KSR1: variants seen among roughly 807,000 people sequenced by gnomAD.
The protein encoded by KSR1 is kinase suppressor of ras.
In KSR1, 35 loss-of-function variants were observed where a neutral mutation model predicts 92.9. The ratio of observed to expected loss-of-function variants is 0.38; its 90% confidence interval spans 0.29 to 0.50. The LOEUF (loss-of-function observed/expected upper bound fraction) is 0.50, where lower values mean the gene tolerates loss of function less well. Among genes scored for constraint, KSR1 ranks in the 20% least tolerant of loss-of-function variants. The pLI is 0.94. For synonymous variants in KSR1, 467 were observed against 472.6 expected, an observed-to-expected ratio of 0.99 and a Z score of 0.15; for missense variants, 972 against 1,158.5, an observed-to-expected ratio of 0.84 and a Z score of 2.34.
At chr17:27,508,651 G>A (rs1416461618) in intron 1 of KSR1, among the ~76,000 whole-genome samples, 1 of 152,098 alleles carries the variant, frequency 6.6e-6, no homozygotes, top group Non-Finnish European at 1.5e-5. Context: ...ACAAACACAG[G>A]CTTGAGATTC....
At chr17:27,623,266 G>GATGAAGAT (rs778426780) in intron 20 of KSR1, 48 bp from the exon 21 acceptor site, 7 of 744,146 alleles carry the variant, frequency 9.4e-6, no homozygotes, top group Non-Finnish European at 1.5e-5. Context: ...CCCTAATTCT[G>GATGAAGAT]ATGAAGATCA....
intron 10 of KSR1, 101 bp downstream of exon 10, chr17:27,597,537 C>G (rs1458216026): frequency 4.9e-6 from 6 of 1,232,178 alleles, no homozygotes; most frequent in South Asian, 3.0e-5. Context: ...ATGGCCACAG[C>G]TAAGAGCTGA....
intron 2 of KSR1, among the ~76,000 whole-genome samples, chr17:27,573,671 C>G (rs1317961381): frequency 2.0e-5 from 3 of 152,206 alleles, no homozygotes; most frequent in African/African-American, 7.2e-5. Context: ...GCTGCTGTAT[C>G]CCAAGGCTTT....
intron 9 of KSR1, 134 bp from the exon 10 acceptor site, chr17:27,597,134 T>C: frequency 1.1e-6 from 1 of 936,444 alleles, no homozygotes; most frequent in Non-Finnish European, 1.6e-6. Flanking sequence ...AAATGTTAGA[T>C]GTGTAAAATG....
intron 5 of KSR1, among the ~76,000 whole-genome samples, chr17:27,586,570 G>T (rs1031252693): frequency 2.6e-5 from 4 of 152,160 alleles, no homozygotes; most frequent in Admixed American, 6.5e-5. Flanking sequence ...GAAACTCCCA[G>T]GGCCCTTCAC....
intron 1 of KSR1, among the ~76,000 whole-genome samples, chr17:27,473,556 G>C (rs907262468): frequency 6.6e-6 from 1 of 152,200 alleles, no homozygotes; most frequent in Non-Finnish European, 1.5e-5. Context: ...TGGGCAGCAG[G>C]CAGGCAGAGG....
chr17:27,464,290 A>T (rs1359950221), intron 1 of KSR1, among the ~76,000 whole-genome samples: 1 of 152,208 alleles, frequency 6.6e-6, no homozygotes, highest in Non-Finnish European at 1.5e-5. Context: ...TTTGAAGGTC[A>T]GTCTGCTCAG....
chr17:27,591,662 G>A (rs1032598983), intron 7 of KSR1, among the ~76,000 whole-genome samples: 4 of 152,236 alleles, frequency 2.6e-5, no homozygotes, highest in Non-Finnish European at 5.9e-5. Context: ...GACCTCTAGG[G>A]AGTTGCTGAG....
chr17:27,527,211 C>A, intron 1 of KSR1: 2 of 244,830 alleles, frequency 8.2e-6, no homozygotes. Context: ...TTTATAATTT[C>A]ATTGTTTTGC....
intron 2 of KSR1, chr17:27,560,562 GA>G (rs2071788387): frequency 2.0e-6 from 1 of 506,166 alleles, no homozygotes; most frequent in Non-Finnish European, 3.9e-6. Context: ...AGAGATGGGG[GA>G]CAAAGCTGCC....
At position 27,459,805 on chromosome 17, in the gene KSR1, T is replaced by C. The variant is rs2150896304; in HGVS notation, c.231+2931T>C. Among the ~76,000 whole-genome samples the C allele has an allele frequency of 2.0e-5, 3 of 152,150 alleles. No homozygotes were observed. In the South Asian group the frequency reaches 6.2e-4, roughly 32 times the overall value. ...AGGGATGGGCTGCTGCTGCCTGAAA[T>C]TGGGTTGTGATGGGGTGTAGTGGGT... On this transcript the variant is annotated intron_variant, in intron 1 of 20. Coordinates refer to ENST00000644974, the MANE Select transcript of KSR1 (RefSeq NM_001394583.1). This position sits in a 1 kb window ranked among gnomAD's most constrained non-coding sequence, Gnocchi z 4.6.
intron 1 of KSR1, among the ~76,000 whole-genome samples, chr17:27,479,765 C>T (rs1241996286): frequency 6.6e-6 from 1 of 152,116 alleles, no homozygotes; most frequent in African/African-American, 2.4e-5. Context: ...AGAATTACAT[C>T]CCTGGGTCCA....
At position 27,459,892 on chromosome 17, in the gene KSR1, A is replaced by C. The variant is rs1247305109; in HGVS notation, c.231+3018A>C. ...TGTGGTGGTCCAGTTTGGATGGAAA[A>C]GGGTAGAAGGAGCTGAGACTTAACG... On this transcript the variant is annotated intron_variant, in intron 1 of 20. Coordinates refer to ENST00000644974, the MANE Select transcript of KSR1 (RefSeq NM_001394583.1). The surrounding 1 kb of genome is among the most constrained non-coding windows in gnomAD (Gnocchi z 4.6). Among the ~76,000 whole-genome samples the C allele has an allele frequency of 6.6e-6, 1 of 152,106 alleles. No individual in the cohort carries two copies. The highest frequency in any genetic ancestry group is 2.4e-5 in the African/African-American group (1 of 41,406).
chr17:27,584,810 G>T (rs1223601445), intron 4 of KSR1, among the ~76,000 whole-genome samples: 3 of 152,170 alleles, frequency 2.0e-5, no homozygotes, highest in African/African-American at 7.2e-5. Context: ...GTGTTCTCAG[G>T]GGCAGTGGCT....
At chr17:27,587,012 A>G (rs1270384765) in intron 5 of KSR1, 1 of 152,272 alleles carries the variant, frequency 6.6e-6, no homozygotes, top group Non-Finnish European at 1.5e-5. Context: ...AGCCAGGATT[A>G]AAGGTGCCTG....
intron 1 of KSR1, among the ~76,000 whole-genome samples, chr17:27,506,312 C>T (rs1057321550): frequency 4.6e-5 from 7 of 152,208 alleles, no homozygotes; most frequent in Admixed American, 2.6e-4. Context: ...CACTTTCTCT[C>T]GTAGCATGGG....
intron 9 of KSR1, among the ~76,000 whole-genome samples, chr17:27,594,816 G>A (rs930283973): frequency 5.3e-5 from 8 of 151,514 alleles, no homozygotes; most frequent in Non-Finnish European, 1.5e-5. Context: ...TCTTGCTCTC[G>A]TTGGCACCAA....
At chr17:27,477,009 C>T (rs2068367099) in intron 1 of KSR1, among the ~76,000 whole-genome samples, 1 of 152,218 alleles carries the variant, frequency 6.6e-6, no homozygotes, top group African/African-American at 2.4e-5. Flanking sequence ...ATGGTTATTT[C>T]TTGGTGATAT....
At chr17:27,475,107 G>A (rs1719024746) in intron 1 of KSR1, among the ~76,000 whole-genome samples, 1 of 152,276 alleles carries the variant, frequency 6.6e-6, no homozygotes, top group Admixed American at 6.5e-5. Context: ...GATACAGCTG[G>A]AAAAGAGCTT....
Sources: allele counts gnomAD v4.1 joint callset (sites outside exome capture counted in the v4.1 genomes callset), GRCh38; gene constraint gnomAD v4.1.1; non-coding constraint Gnocchi (gnomAD v3.1); transcripts MANE v1.5; gene names NCBI Gene and HGNC (gene_info 2026-07-23, HGNC 2026-07-21).